The following MYO1E variants were observed in gnomAD, a reference collection of about 807,000 sequenced individuals.
The protein encoded by MYO1E is unconventional myosin-Ie.
MYO1E carries 68 observed loss-of-function variants against 151.1 expected under a neutral mutation model. The observed-to-expected ratio is 0.45, with a 90% confidence interval of 0.37 to 0.55. MYO1E has a LOEUF of 0.55. Among genes scored for constraint, MYO1E ranks in the 20% least tolerant of loss-of-function variants. The pLI, the probability that MYO1E is intolerant of heterozygous loss-of-function variation, is 0.00. For synonymous variants in MYO1E, 601 were observed against 501.7 expected (o/e 1.20, Z -2.64); for missense variants, 1,363 against 1,389.3 (o/e 0.98, Z 0.30).
At chr15:59,233,740 A>C (rs1409283442) in intron 5 of MYO1E, among the ~76,000 whole-genome samples, 1 of 150,730 alleles carries the variant, frequency 6.6e-6, no homozygotes, top group Non-Finnish European at 1.5e-5. Context: ...CTCAGGATCC[A>C]GTACAATCAC....
At position 59,134,962 on chromosome 15, in the gene MYO1E, C is replaced by G. The variant is rs2079363875; in HGVS notation, c.*2418G>C. On this transcript the variant is annotated 3_prime_UTR_variant, in exon 28 of 28. Transcript: ENST00000288235. ...GGAAAAAAAGGGAAATGTTATTTAT[C>G]CCAGATTTTTCTGGTAGTCCCCATG... 6.6e-6 allele frequency: 1 copy of G among 152,194 alleles called. No individual in the cohort carries two copies. Among genetic ancestry groups the G allele is most frequent in the Admixed American group, 6.5e-5 (1 of 15,284 alleles). The allele number at this position is 152,194 out of a possible 1,614,324, so 9.4% of individuals were successfully genotyped here.
intron 16 of MYO1E, among the ~76,000 whole-genome samples, chr15:59,198,265 T>C (rs186333387): frequency 6.4e-4 from 97 of 152,278 alleles, no homozygotes; most frequent in African/African-American, 2.3e-3. Flanking sequence ...GACAGAAAAG[T>C]ACCAACAGCA....
At chr15:59,214,207 G>A (rs2079899166) in intron 12 of MYO1E, 21 bp downstream of exon 12, 1 of 1,570,284 alleles carries the variant, frequency 6.4e-7, no homozygotes, top group Non-Finnish European at 8.7e-7. Context: ...AGAATAGGAT[G>A]AAGGAAGAGG....
intron 1 of MYO1E, among the ~76,000 whole-genome samples, chr15:59,287,544 AG>A (rs1172841085): frequency 1.3e-5 from 2 of 152,214 alleles, no homozygotes; most frequent in African/African-American, 4.8e-5. Flanking sequence ...TCCTTTGATC[AG>A]CTTAGATCTT....
chr15:59,231,796 C>A lies in MYO1E; in HGVS notation c.421-5G>T. 6.2e-7 allele frequency: 1 copy of A among 1,614,066 alleles called. No individual in the cohort carries two copies. Among genetic ancestry groups the A allele is most frequent in the Non-Finnish European group, 8.5e-7 (1 of 1,179,938 alleles). ...CAGGATAATGTCCTTCACGTGCTGT[C>A]CCAGCAAATAGACCGGAGGTTAGGA... On this transcript the variant is annotated splice_region_variant and splice_polypyrimidine_tract_variant and intron_variant, in intron 5 of 27. Coordinates refer to ENST00000288235, the MANE Select transcript of MYO1E (RefSeq NM_004998.4).
intron 13 of MYO1E, chr15:59,209,087 C>T (rs1333508785): frequency 5.2e-6 from 3 of 580,932 alleles, no homozygotes; most frequent in Non-Finnish European, 9.2e-6. Context: ...GAAGTTTTAT[C>T]CAAGAGTCAT....
chr15:59,338,552 T>G (rs1331183938), intron 1 of MYO1E, among the ~76,000 whole-genome samples: 1 of 152,192 alleles, frequency 6.6e-6, no homozygotes, highest in Non-Finnish European at 1.5e-5. Flanking sequence ...CAAGATGTCC[T>G]CAGTGCTGAG....
chr15:59,141,111 C>T (rs1056776704), intron 26 of MYO1E, among the ~76,000 whole-genome samples: 4 of 152,118 alleles, frequency 2.6e-5, no homozygotes, highest in African/African-American at 7.2e-5. Flanking sequence ...GGATACCAGA[C>T]GTCATGTGAC....
chr15:59,248,479 T>C (rs1408236962), intron 4 of MYO1E, among the ~76,000 whole-genome samples: 8 of 79,796 alleles, frequency 1.0e-4, no homozygotes, highest in Non-Finnish European at 1.7e-4. Context: ...AGGGTGAGAC[T>C]CCATCTCAAA....
At chr15:59,229,077 C>G (rs2080009181) in intron 6 of MYO1E, among the ~76,000 whole-genome samples, 1 of 152,184 alleles carries the variant, frequency 6.6e-6, no homozygotes, top group Admixed American at 6.5e-5. Flanking sequence ...TGGCGGCCAC[C>G]TTCACCACCC....
intron 1 of MYO1E, among the ~76,000 whole-genome samples, chr15:59,273,639 AG>A (rs2080301231): frequency 1.2e-5 from 1 of 84,420 alleles, no homozygotes; most frequent in Admixed American, 9.2e-5. Context: ...CAGAGGAGGA[AG>A]GACATTCATT....
chr15:59,219,699 C>G (rs139041297), intron 9 of MYO1E, among the ~76,000 whole-genome samples: 1 of 152,182 alleles, frequency 6.6e-6, no homozygotes, highest in African/African-American at 2.4e-5. Context: ...GGCCATTATC[C>G]TTAGTTTAGT....
rs60541381 is a variant in MYO1E at position 59,151,010 on chromosome 15, GACACACACACACAC to G, written c.3080+2566_3080+2579del. Reference sequence around the variant, plus strand: ...GGGTAGTGGAAGGGAAGAGGAGAGGGACACACACACACACACACACACACACACACACACACACA... The same window carrying G: ...GGGTAGTGGAAGGGAAGAGGAGAGGGACACACACACACACACACACACACA... On this transcript the variant is annotated intron_variant, in intron 26 of 27. Transcript: ENST00000288235. 1.4e-3 allele frequency among the ~76,000 whole-genome samples: 201 copies of G among 141,180 alleles called. 2 individuals are homozygous for G. The highest frequency in any genetic ancestry group is 4.6e-3 in the African/African-American group (174 of 37,608). 92.6% of individuals were successfully genotyped at this position (141,180 alleles called of 152,430 possible). A position where few individuals can be genotyped will look rare whatever the true frequency, so the allele number is the denominator to read the frequency against.
Position 59,310,358 on chromosome 15 carries a change from G to T in MYO1E, c.4-37909C>A, listed in dbSNP as rs76334360. On this transcript the variant is annotated intron_variant, in intron 1 of 27. Coordinates refer to ENST00000288235, the MANE Select transcript of MYO1E (RefSeq NM_004998.4). ...AGTATCTGTGAATGTGACCTAATTTGGAAATAGTCTTTGCGGATAGAATCA... is the reference window on the plus strand; with the variant it reads ...AGTATCTGTGAATGTGACCTAATTTTGAAATAGTCTTTGCGGATAGAATCA... Among the ~76,000 whole-genome samples the T allele has an allele frequency of 2.5e-3, 374 of 152,296 alleles. 1 individual carries two copies. The highest frequency in any genetic ancestry group is 8.3e-3 in the African/African-American group (345 of 41,574).
At chr15:59,352,921 T>C (rs2080831731) in intron 1 of MYO1E, among the ~76,000 whole-genome samples, 1 of 152,174 alleles carries the variant, frequency 6.6e-6, no homozygotes, top group East Asian at 1.9e-4. Context: ...GAAAACAGCA[T>C]TATCCTGTAT....
intron 5 of MYO1E, among the ~76,000 whole-genome samples, chr15:59,236,362 A>AT (rs1566988309): frequency 9.8e-5 from 6 of 61,060 alleles, no homozygotes; most frequent in South Asian, 8.3e-4. Context: ...GAAAAAAAAA[A>AT]AATATATACA....
intron 16 of MYO1E, among the ~76,000 whole-genome samples, chr15:59,200,170 C>T (rs1420541392): frequency 2.0e-5 from 3 of 152,112 alleles, no homozygotes; most frequent in Admixed American, 6.6e-5. Context: ...CCTACCCTTG[C>T]TCTCCTTTTT....
At chr15:59,365,866 G>A (rs1409598406) in intron 1 of MYO1E, among the ~76,000 whole-genome samples, 1 of 152,154 alleles carries the variant, frequency 6.6e-6, no homozygotes, top group Non-Finnish European at 1.5e-5. Context: ...GTAACTTCTG[G>A]AAACACCTGA....
At chr15:59,275,157 TCA>T (rs1163897277) in intron 1 of MYO1E, among the ~76,000 whole-genome samples, 1 of 152,144 alleles carries the variant, frequency 6.6e-6, no homozygotes, top group Non-Finnish European at 1.5e-5. Context: ...CGTGGTTTCT[TCA>T]CAGTCTCATA....
Sources: gnomAD v4.1 joint callset for allele counts (sites outside exome capture counted in the v4.1 genomes callset) on GRCh38, gnomAD v4.1.1 for gene constraint, MANE v1.5 for transcripts, NCBI Gene and HGNC (gene_info 2026-07-23, HGNC 2026-07-21) for gene names.